The following CDKAL1 variants were observed in gnomAD, a reference collection of about 807,000 sequenced individuals.
CDKAL1 encodes CDKAL1 threonylcarbamoyladenosine tRNA methylthiotransferase.
A neutral mutation model predicts 68.2 loss-of-function variants in CDKAL1; 32 were observed. The ratio of observed to expected loss-of-function variants is 0.47; its 90% CI spans 0.35 to 0.63. The LOEUF is 0.63. Ranked by LOEUF, CDKAL1 falls within the 30% of genes least tolerant of loss-of-function variation. CDKAL1 has a pLI of 0.00. For missense variants in CDKAL1, 606 were observed against 696.7 expected (o/e 0.87, Z 1.47); for synonymous variants, 234 against 244.3 (o/e 0.96, Z 0.39).
chr6:21,033,203 A>G (rs777192454), intron 11 of CDKAL1, among the ~76,000 whole-genome samples: 15 of 152,222 alleles, frequency 9.9e-5, no homozygotes, highest in Non-Finnish European at 1.2e-4. Flanking sequence ...TACTTGGGGT[A>G]GCAAATAAAT....
intron 4 of CDKAL1, among the ~76,000 whole-genome samples, chr6:20,577,455 A>G (rs1379719420): frequency 6.6e-6 from 1 of 152,182 alleles, no homozygotes; most frequent in Non-Finnish European, 1.5e-5. Flanking sequence ...CCCCAGGCCT[A>G]AGTGTATTAT....
At chr6:21,148,095 T>A (rs1476487889) in intron 13 of CDKAL1, among the ~76,000 whole-genome samples, 1 of 152,262 alleles carries the variant, frequency 6.6e-6, no homozygotes, top group African/African-American at 2.4e-5. Context: ...CTGAGTTTTT[T>A]AATCATGTTT....
intron 3 of CDKAL1, among the ~76,000 whole-genome samples, chr6:20,547,891 A>G (rs1166849441): frequency 6.6e-6 from 1 of 152,184 alleles, no homozygotes; most frequent in Admixed American, 6.5e-5. Flanking sequence ...TACAGATTGC[A>G]ACTAGTATGT....
At chr6:21,157,635 G>A (rs951316502) in intron 13 of CDKAL1, among the ~76,000 whole-genome samples, 6 of 152,220 alleles carry the variant, frequency 3.9e-5, no homozygotes, top group South Asian at 2.1e-4. Context: ...TTTGTTCCTC[G>A]TCATCCTAAC....
chr6:20,907,583 G>GTACGTGTAGCAGT (rs1419813067), intron 9 of CDKAL1, among the ~76,000 whole-genome samples: 4 of 152,274 alleles, frequency 2.6e-5, no homozygotes, highest in Non-Finnish European at 4.4e-5. Flanking sequence ...GGACTAGGAG[G>GTACGTGTAGCAGT]TACGTGTAGC....
At chr6:21,167,995 G>T (rs184341438) in intron 13 of CDKAL1, among the ~76,000 whole-genome samples, 68 of 152,298 alleles carry the variant, frequency 4.5e-4, no homozygotes, top group Middle Eastern at 3.4e-3. Flanking sequence ...AACTGGCAAA[G>T]CATTATCGTT....
At chr6:21,195,477 TTTTATTTA>T (rs70993212) in intron 13 of CDKAL1, among the ~76,000 whole-genome samples, 2,717 of 118,508 alleles carry the variant, frequency 0.023, 39 homozygotes, top group Admixed American at 0.034. Context: ...GAGATGTTTT[TTTTATTTA>T]TTTATTTATT....
chr6:20,808,183 C>T lies in CDKAL1; in HGVS notation c.638+26918C>T, dbSNP rs553202517. Among the ~76,000 whole-genome samples, 75 of 152,000 alleles carry T rather than the reference C, an allele frequency of 4.9e-4. No homozygotes were observed. The South Asian group carries it at 0.014, about 29-fold the overall frequency. The stretch of plus-strand genomic sequence containing the variant: ...TAATTTTGTTGCTAGGGCATTTTAC[C>T]TTTGAACCCAAATTAAGTAAAATAT... On this transcript the variant is annotated intron_variant, in intron 8 of 15. Coordinates refer to ENST00000274695, the MANE Select transcript of CDKAL1 (RefSeq NM_017774.3).
intron 12 of CDKAL1, among the ~76,000 whole-genome samples, chr6:21,065,457 T>C (rs1021953777): frequency 4.6e-5 from 7 of 151,962 alleles, no homozygotes; most frequent in Admixed American, 1.3e-4. Flanking sequence ...TTCAGATGAC[T>C]TGGGGAAAAA....
intron 5 of CDKAL1, among the ~76,000 whole-genome samples, chr6:20,718,839 T>C (rs1562050324): frequency 6.6e-6 from 1 of 152,160 alleles, no homozygotes; most frequent in Non-Finnish European, 1.5e-5. Context: ...AAAAAAAACT[T>C]CTTACTATTT....
At chr6:21,043,295 A>T (rs896346088) in intron 11 of CDKAL1, among the ~76,000 whole-genome samples, 2 of 152,130 alleles carry the variant, frequency 1.3e-5, no homozygotes, top group African/African-American at 2.4e-5. Flanking sequence ...CCGAAGCCCA[A>T]AGTAAGTCTT....
chr6:20,866,381 G>A (rs1759908767), intron 9 of CDKAL1, among the ~76,000 whole-genome samples: 1 of 152,014 alleles, frequency 6.6e-6, no homozygotes, highest in Non-Finnish European at 1.5e-5. Context: ...AAACCTATTA[G>A]AAATAAACAT....
At chr6:20,884,305 A>G (rs1327727072) in intron 9 of CDKAL1, among the ~76,000 whole-genome samples, 3 of 152,180 alleles carry the variant, frequency 2.0e-5, no homozygotes, top group Non-Finnish European at 4.4e-5. Flanking sequence ...ACAAACAAAC[A>G]AACAAACAAA....
chr6:21,217,475 TTTTTTA>T (rs1032068699), intron 15 of CDKAL1, among the ~76,000 whole-genome samples: 5 of 150,046 alleles, frequency 3.3e-5, no homozygotes, highest in Non-Finnish European at 7.4e-5. Context: ...TTATTTTTTA[TTTTTTA>T]TTTTTATTTA....
intron 9 of CDKAL1, among the ~76,000 whole-genome samples, chr6:20,916,013 C>G (rs1362692142): frequency 6.6e-6 from 1 of 152,070 alleles, no homozygotes; most frequent in Non-Finnish European, 1.5e-5. Context: ...AGATTAATGA[C>G]TGCTGGAGTT....
At chr6:20,752,128 T>C (rs1309036157) in intron 6 of CDKAL1, among the ~76,000 whole-genome samples, 1 of 151,898 alleles carries the variant, frequency 6.6e-6, no homozygotes, top group Non-Finnish European at 1.5e-5. Context: ...CTTTTTTCCC[T>C]TTTCCCCATT....
intron 4 of CDKAL1, among the ~76,000 whole-genome samples, chr6:20,574,429 G>A (rs1764833827): frequency 6.6e-6 from 1 of 152,130 alleles, no homozygotes; most frequent in African/African-American, 2.4e-5. Flanking sequence ...AATATGATGG[G>A]CAGACATTTT....
chr6:20,688,439 T>A lies in CDKAL1; in HGVS notation c.371+39062T>A, dbSNP rs572817933. ...GAGGTTTCTTTCGTTTTTTTTTTGT[T>A]TTTAGTCTTTTTTCTTTGTGCTTTT... is the stretch of plus-strand genomic sequence containing the variant. On this transcript the variant is annotated intron_variant, in intron 5 of 15. Coordinates refer to ENST00000274695, the MANE Select transcript of CDKAL1 (RefSeq NM_017774.3). Among the ~76,000 whole-genome samples, 7 of 152,246 alleles carry A rather than the reference T, an allele frequency of 4.6e-5. No individual in the cohort carries two copies. In the South Asian group the frequency reaches 1.0e-3, roughly 23 times the overall value.
At chr6:20,642,905 C>T (rs1277390458) in intron 4 of CDKAL1, among the ~76,000 whole-genome samples, 1 of 11,310 alleles carries the variant, frequency 8.8e-5, no homozygotes, top group African/African-American at 2.2e-4. Context: ...TCTCAAACAA[C>T]AACAACAACA....
Sources: allele counts gnomAD v4.1 joint callset (sites outside exome capture counted in the v4.1 genomes callset), GRCh38; gene constraint gnomAD v4.1.1; transcripts MANE v1.5; gene names NCBI Gene and HGNC (gene_info 2026-07-23, HGNC 2026-07-21).